The following NHSL2 variants were observed in gnomAD, a reference collection of about 807,000 sequenced individuals.
NHSL2 encodes the protein NHS-like protein 2.
Under a neutral mutation model 53.4 loss-of-function variants are expected in NHSL2, and 27 were observed. The observed-to-expected ratio is 0.51, with a 90% confidence interval of 0.37 to 0.70. The LOEUF (loss-of-function observed/expected upper bound fraction) is 0.70, where lower values mean the gene tolerates loss of function less well. Among genes scored for constraint, NHSL2 ranks in the 30% least tolerant of loss-of-function variants. The pLI is 0.00. For missense variants in NHSL2, 892 were observed against 980.1 expected (o/e 0.91, Z 1.20); for synonymous variants, 408 against 404.1 (o/e 1.01, Z -0.12).
chrX:72,044,519 C>G, intron 1 of NHSL2: 1 of 577,680 alleles, frequency 1.7e-6, no homozygotes. Flanking sequence ...AAGAGTGGCC[C>G]GCTCTCTCCG....
At chrX:72,013,363 AT>A (rs1299302343) in intron 1 of NHSL2, among the ~76,000 whole-genome samples, 1 of 111,564 alleles carries the variant, frequency 9.0e-6, no homozygotes, top group Non-Finnish European at 1.9e-5. Context: ...AATACAATTT[AT>A]TTTTGCAAGC....
At chrX:71,962,627 C>CTT (rs57600316) in intron 1 of NHSL2, among the ~76,000 whole-genome samples, 1 of 54,786 alleles carries the variant, frequency 1.8e-5, no homozygotes, top group African/African-American at 5.5e-5. Context: ...CATCTCTTTC[C>CTT]TTTTTTTTTT....
chrX:72,004,490 G>A (rs2042084872), intron 1 of NHSL2, among the ~76,000 whole-genome samples: 1 of 111,790 alleles, frequency 8.9e-6, no homozygotes, highest in African/African-American at 3.3e-5. Context: ...GAGAGGGATG[G>A]CCACGGCTTG....
intron 1 of NHSL2, among the ~76,000 whole-genome samples, chrX:72,031,519 T>C (rs1170849957): frequency 1.8e-5 from 2 of 112,391 alleles, no homozygotes; most frequent in Non-Finnish European, 3.8e-5. Context: ...AATTAAGAAT[T>C]ATTAACAACT....
chrX:72,104,167 T>G (rs979217667), intron 1 of NHSL2, among the ~76,000 whole-genome samples: 1 of 111,343 alleles, frequency 9.0e-6, no homozygotes, highest in African/African-American at 3.3e-5. Flanking sequence ...TTTTTATATC[T>G]CATTACTGCT....
At chrX:71,936,008 A>T (rs1287226267) in intron 1 of NHSL2, among the ~76,000 whole-genome samples, 1 of 112,184 alleles carries the variant, frequency 8.9e-6, no homozygotes, top group Non-Finnish European at 1.9e-5. Flanking sequence ...GGTGTTGCCT[A>T]TGAGTGTTTT....
chrX:71,919,565 G>A (rs895118546), intron 1 of NHSL2, among the ~76,000 whole-genome samples: 28 of 111,734 alleles, frequency 2.5e-4, no homozygotes, highest in Non-Finnish European at 9.4e-5. Context: ...ATGTTTGTGT[G>A]CCCACGGAGG....
Position 71,911,228 on chromosome X carries a change from G to A in NHSL2, c.141G>A (p.Ser47=), listed in dbSNP as rs1286698777. 1.1e-5 allele frequency: 13 copies of A among 1,147,947 alleles called. No individual in the cohort carries two copies. In the Middle Eastern group the frequency reaches 7.7e-4, roughly 68 times the overall value. 94.6% of individuals were successfully genotyped at this position (1,147,947 alleles called of 1,213,427 possible). The change falls in exon 1 of 8, where the codon TCG becomes TCA. Residue 47 remains serine, a synonymous_variant. Coordinates refer to ENST00000633930, the MANE Select transcript of NHSL2 (RefSeq NM_001013627.3). ...LRQLADLCGH[S]LALLEDLEGH... is the part of the protein sequence containing the mutation. ...AGCTCGCCGACCTCTGTGGCCACTC[G>A]TTGGCTCTGCTCGAGGACCTCGAGG...
Position 72,138,910 on chromosome X carries a change from A to G in NHSL2, c.1362A>G (p.Ser454=). 1 of 1,210,225 alleles carries G rather than the reference A, an allele frequency of 8.3e-7. No homozygotes were observed. The highest frequency in any genetic ancestry group is 3.0e-5 in the East Asian group (1 of 33,828). The change falls in exon 6 of 8, where the codon TCA becomes TCG. Residue 454 remains serine, a synonymous_variant. Coordinates refer to ENST00000633930, the MANE Select transcript of NHSL2 (RefSeq NM_001013627.3). ...ARDNPAGCSG[S]AGYPERLIQQ... ...ATAACCCAGCAGGATGCAGTGGGTC[A>G]GCTGGCTACCCTGAGCGCCTTATTC... is the stretch of plus-strand genomic sequence containing the variant.
chrX:72,134,765 T>C, intron 4 of NHSL2, 61 bp downstream of exon 4: 1 of 839,434 alleles, frequency 1.2e-6, no homozygotes, highest in Non-Finnish European at 1.7e-6. Context: ...ACCATCCTCT[T>C]TGATGCACTG....
Position 72,134,494 on chromosome X carries a change from C to T in NHSL2, c.565-15C>T, listed in dbSNP as rs768874963. The stretch of plus-strand genomic sequence containing the variant: ...GGCAGGAATACACCCTTTCCATCAC[C>T]TTCTCTCCCAACAGCCTACAAAACG... On this transcript the variant is annotated splice_polypyrimidine_tract_variant and intron_variant, in intron 3 of 7. Coordinates refer to ENST00000633930, the MANE Select transcript of NHSL2 (RefSeq NM_001013627.3). The T allele has an allele frequency of 6.1e-6, 7 of 1,155,384 alleles. No individual in the cohort carries two copies. The highest frequency in any genetic ancestry group is 7.0e-6 in the Non-Finnish European group (6 of 862,679).
chrX:72,026,557 A>G (rs977035496), intron 1 of NHSL2, among the ~76,000 whole-genome samples: 2 of 112,664 alleles, frequency 1.8e-5, no homozygotes, highest in African/African-American at 6.5e-5. Context: ...TGGGGAAGGC[A>G]CCACAGCCAG....
Position 72,140,369 on chromosome X carries a change from T to A in NHSL2, c.2821T>A (p.Ser941Thr). Residue 941 changes from serine (S) to threonine (T), a missense_variant, in exon 6 of 8, where the codon TCA becomes ACA. Physicochemically the swap from Ser to Thr is moderately conservative, Grantham distance 58. Coordinates refer to ENST00000633930, the MANE Select transcript of NHSL2 (RefSeq NM_001013627.3). ...CCCAGATGGCAGAAGCCCAGGGGAG[T>A]CAACAGCACCCTCATCTCTTGTTTT... ...SFPDGRSPGE[S>T]TAPSSLVFTP... The A allele has an allele frequency of 8.3e-7, 1 of 1,209,552 alleles. No individual in the cohort carries two copies. Among genetic ancestry groups the A allele is most frequent in the Non-Finnish European group, 1.1e-6 (1 of 894,804 alleles).
chrX:71,952,763 TCCTGTTGGGG>T (rs2041826690), intron 1 of NHSL2, among the ~76,000 whole-genome samples: 2 of 110,913 alleles, frequency 1.8e-5, no homozygotes, highest in Admixed American at 9.5e-5. Flanking sequence ...AGTTTCACCT[TCCTGTTGGGG>T]TCCTCTCCCT....
rs1398527070 is a variant in NHSL2 at position 72,145,053 on chromosome X, T to G, written c.*1479T>G. The G allele has an allele frequency of 8.9e-6, 1 of 112,182 alleles. No individual in the cohort carries two copies. Among genetic ancestry groups the G allele is most frequent in the East Asian group, 2.8e-4 (1 of 3,597 alleles). 9.2% of individuals were successfully genotyped at this position (112,182 alleles called of 1,213,427 possible). On this transcript the variant is annotated 3_prime_UTR_variant, in exon 8 of 8. Transcript: ENST00000633930. The stretch of plus-strand genomic sequence containing the variant: ...CTGACCAATGATGGAAAGTTAATTG[T>G]CTACTGTCTTCAAGAGGCAAAAAGA...
chrX:72,054,435 A>G (rs1261780844), intron 1 of NHSL2, among the ~76,000 whole-genome samples: 1 of 111,548 alleles, frequency 9.0e-6, no homozygotes, highest in Admixed American at 9.5e-5. Flanking sequence ...TCAGAGAATG[A>G]CATGCTCTTC....
intron 1 of NHSL2, among the ~76,000 whole-genome samples, chrX:72,102,742 T>C (rs142031408): frequency 4.4e-4 from 49 of 112,582 alleles, no homozygotes; most frequent in African/African-American, 1.5e-3. Flanking sequence ...ATCCCTTTCA[T>C]CAGAATACAG....
chrX:72,108,975 A>G (rs1225626297), intron 1 of NHSL2, among the ~76,000 whole-genome samples: 1 of 111,556 alleles, frequency 9.0e-6, no homozygotes, highest in Non-Finnish European at 1.9e-5. Flanking sequence ...CCCCTCATAC[A>G]TCGCACATAC....
chrX:71,964,286 T>C (rs2041891296), intron 1 of NHSL2, among the ~76,000 whole-genome samples: 1 of 95,431 alleles, frequency 1.0e-5, no homozygotes, highest in African/African-American at 3.8e-5. Context: ...ATTGTTCAAC[T>C]CCCACTTATG....
Sources: allele counts gnomAD v4.1 joint callset (sites outside exome capture counted in the v4.1 genomes callset), GRCh38; gene constraint gnomAD v4.1.1; transcripts MANE v1.5; gene names NCBI Gene and HGNC (gene_info 2026-07-23, HGNC 2026-07-21).